Variants in LIN28B observed in about 807,000 individuals in gnomAD.
LIN28B encodes lin-28 RNA binding posttranscriptional regulator B, also known as protein lin-28 homolog B.
Under a neutral mutation model 21.9 loss-of-function variants are expected in LIN28B, and 5 were observed. The observed-to-expected ratio is 0.23, with a 90% CI of 0.12 to 0.48. The LOEUF (loss-of-function observed/expected upper bound fraction) is 0.48. Among genes scored for constraint, LIN28B ranks in the 20% least tolerant of loss-of-function variants. The pLI is 0.98. For missense variants in LIN28B, 245 were observed against 310.5 expected, an observed-to-expected ratio of 0.79 and a Z score of 1.58; for synonymous variants, 109 against 111.3, an observed-to-expected ratio of 0.98 and a Z score of 0.13.
At chr6:105,033,508 G>A (rs369966090) in intron 3 of LIN28B, among the ~76,000 whole-genome samples, 9 of 151,886 alleles carry the variant, frequency 5.9e-5, no homozygotes, top group Non-Finnish European at 1.2e-4. Flanking sequence ...TTAATTTAGC[G>A]TCCACTTACA....
At position 105,032,887 on chromosome 6, in the gene LIN28B, AT is replaced by A. The variant is rs541985777; in HGVS notation, c.383+6411del. Among the ~76,000 whole-genome samples, 7 of 151,748 alleles carry A rather than the reference AT, an allele frequency of 4.6e-5. No homozygotes were observed. The South Asian group carries it at 1.2e-3, about 27-fold the overall frequency. ...AACTGTTTCTTCATATCTTTTGCCC[AT>A]TTTTTACTGGGTTGTGTGTTTTCTT... On this transcript the variant is annotated intron_variant, in intron 3 of 3. Coordinates refer to ENST00000345080, the MANE Select transcript of LIN28B (RefSeq NM_001004317.4).
intron 2 of LIN28B, among the ~76,000 whole-genome samples, chr6:104,962,861 C>T (rs1769777630): frequency 6.6e-6 from 1 of 151,994 alleles, no homozygotes; most frequent in South Asian, 2.1e-4. Context: ...AATTAGACAT[C>T]TTGGAAACTT....
chr6:105,009,662 A>C (rs1403560606), intron 2 of LIN28B, among the ~76,000 whole-genome samples: 1 of 152,214 alleles, frequency 6.6e-6, no homozygotes, highest in Admixed American at 6.5e-5. Flanking sequence ...TCTCAAAGCC[A>C]GATCAGCTCC....
At chr6:104,978,220 A>G (rs914549974) in intron 2 of LIN28B, among the ~76,000 whole-genome samples, 1 of 152,208 alleles carries the variant, frequency 6.6e-6, no homozygotes, top group African/African-American at 2.4e-5. Context: ...ACTATAGTTT[A>G]TCGCTAAGTC....
chr6:105,060,823 A>T (rs1772110900), intron 3 of LIN28B, among the ~76,000 whole-genome samples: 1 of 152,218 alleles, frequency 6.6e-6, no homozygotes, highest in African/African-American at 2.4e-5. Context: ...AATGACCTTG[A>T]AGAGATGAGT....
upstream of LIN28B, among the ~76,000 whole-genome samples, chr6:104,952,154 T>C (rs1246910394): frequency 6.6e-6 from 1 of 152,204 alleles, no homozygotes; most frequent in East Asian, 1.9e-4. Context: ...AAAGAATACT[T>C]TTATTCATTG....
rs528917189 is a variant in LIN28B, at chr6:104,944,488, A to G, written c.19-5973A>G. 5.3e-5 allele frequency among the ~76,000 whole-genome samples: 8 copies of G among 152,248 alleles called. No homozygotes were observed. The South Asian group carries it at 6.2e-4, about 12-fold the overall frequency. ...ATGTGATATCAAGCTTAAATTAGAA[A>G]TCATTCATGAAATAAATTACACTTA... is the stretch of plus-strand genomic sequence containing the variant. On this transcript the variant is annotated intron_variant, in intron 2 of 5. Coordinates refer to the LIN28B transcript ENST00000635857.
chr6:105,042,223 A>G (rs1444113752), intron 3 of LIN28B, among the ~76,000 whole-genome samples: 1 of 152,168 alleles, frequency 6.6e-6, no homozygotes, highest in African/African-American at 2.4e-5. Context: ...AATTGGGGGA[A>G]GGGGGTAGGC....
At position 104,961,980 on chromosome 6, in the gene LIN28B, T is replaced by G. The variant is rs1769756206; in HGVS notation, c.198+3694T>G. 2.0e-5 allele frequency among the ~76,000 whole-genome samples: 3 copies of G among 152,140 alleles called. No individual in the cohort carries two copies. In the South Asian group the frequency reaches 6.2e-4, roughly 31 times the overall value. On this transcript the variant is annotated intron_variant, in intron 2 of 3. Coordinates refer to ENST00000345080, the MANE Select transcript of LIN28B (RefSeq NM_001004317.4). ...GCAACGTTAACCTAATAACTACCTGTTGATGTTTGTTATATAGGTTTTTCT... is the reference window on the plus strand; with the variant it reads ...GCAACGTTAACCTAATAACTACCTGGTGATGTTTGTTATATAGGTTTTTCT...
At chr6:105,049,903 G>A (rs978854055) in intron 3 of LIN28B, among the ~76,000 whole-genome samples, 2 of 152,114 alleles carry the variant, frequency 1.3e-5, no homozygotes, top group East Asian at 1.9e-4. Flanking sequence ...GTCTCTGCAC[G>A]TGAGATGGGT....
At chr6:105,050,180 C>CT (rs1771868565) in intron 3 of LIN28B, among the ~76,000 whole-genome samples, 1 of 152,160 alleles carries the variant, frequency 6.6e-6, no homozygotes, top group Non-Finnish European at 1.5e-5. Context: ...TTCAGGAGCT[C>CT]TTTCAGGGCA....
At chr6:104,991,855 A>T (rs1023789821) in intron 2 of LIN28B, among the ~76,000 whole-genome samples, 32 of 152,186 alleles carry the variant, frequency 2.1e-4, no homozygotes, top group Admixed American at 2.0e-3. Flanking sequence ...CACCAAAAAA[A>T]TACGAAAACA....
intron 2 of LIN28B, among the ~76,000 whole-genome samples, chr6:105,009,922 CATTCAT>C (rs1770888411): frequency 6.6e-6 from 1 of 152,126 alleles, no homozygotes; most frequent in South Asian, 2.1e-4. Context: ...TATTCTGTTT[CATTCAT>C]ATTCATATTC....
chr6:105,076,063 G>T (rs1185256007), intron 3 of LIN28B, among the ~76,000 whole-genome samples: 1 of 152,078 alleles, frequency 6.6e-6, no homozygotes, highest in Non-Finnish European at 1.5e-5. Flanking sequence ...ATTTTTTAGT[G>T]TTATTTTGAG....
rs551488500 is a variant in LIN28B, at chr6:105,030,405, TTAGTAATGAGAATAAAATTGTGC to T, written c.383+3925_383+3947del. ...TTCATGGTTATTTCCTGAGACAGTT[TTAGTAATGAGAATAAAATTGTGC>T]TTTGATCCAGATTTTATGTTTATTA... is the stretch of plus-strand genomic sequence containing the variant. On this transcript the variant is annotated intron_variant, in intron 3 of 3. Transcript: ENST00000345080. Among the ~76,000 whole-genome samples, 469 of 152,262 alleles carry T rather than the reference TTAGTAATGAGAATAAAATTGTGC, an allele frequency of 3.1e-3. 6 individuals carry two copies. The highest frequency in any genetic ancestry group is 0.011 in the African/African-American group (447 of 41,552).
intron 2 of LIN28B, among the ~76,000 whole-genome samples, chr6:105,020,858 T>A (rs558658159): frequency 1.3e-4 from 20 of 150,794 alleles, no homozygotes; most frequent in South Asian, 8.5e-4. Flanking sequence ...GTTCACGCCA[T>A]TCTCTTGCCT....
intron 3 of LIN28B, among the ~76,000 whole-genome samples, chr6:105,061,696 T>C (rs1038338456): frequency 1.3e-5 from 2 of 152,188 alleles, no homozygotes; most frequent in Non-Finnish European, 2.9e-5. Flanking sequence ...TATGTTCATC[T>C]TCAAAAATGA....
chr6:104,999,339 A>G (rs1314169346), intron 2 of LIN28B, among the ~76,000 whole-genome samples: 1 of 151,998 alleles, frequency 6.6e-6, no homozygotes, highest in Non-Finnish European at 1.5e-5. Context: ...GGATCTTGCT[A>G]TGATTCCCAG....
chr6:104,944,729 T>C (rs1209963104), intron 2 of LIN28B, among the ~76,000 whole-genome samples: 1 of 152,106 alleles, frequency 6.6e-6, no homozygotes, highest in African/African-American at 2.4e-5. Context: ...ACATTTAATA[T>C]ATCAGTAAAA....
Sources: allele counts gnomAD v4.1 joint callset (sites outside exome capture counted in the v4.1 genomes callset), GRCh38; gene constraint gnomAD v4.1.1; transcripts MANE v1.5; gene names NCBI Gene and HGNC (gene_info 2026-07-23, HGNC 2026-07-21).